Variants in EIF3H observed in about 807,000 individuals in gnomAD.
The protein encoded by EIF3H is eIF-3-gamma.
EIF3H carries 26 observed loss-of-function variants against 44.2 expected under a neutral mutation model. The observed-to-expected ratio is 0.59, with a 90% CI of 0.43 to 0.82. The LOEUF (loss-of-function observed/expected upper bound fraction) is 0.82, where lower values mean the gene tolerates loss of function less well. Ranked by LOEUF, EIF3H falls within the 40% of genes least tolerant of loss-of-function variation. EIF3H has a pLI of 0.00. For missense variants in EIF3H, 359 were observed against 432.8 expected (o/e 0.83, Z 1.51); for synonymous variants, 166 against 151.9 (o/e 1.09, Z -0.68).
intron 2 of EIF3H, among the ~76,000 whole-genome samples, chr8:116,706,628 G>A (rs555515354): frequency 1.6e-4 from 24 of 152,238 alleles, no homozygotes; most frequent in African/African-American, 5.3e-4. Context: ...TCCATTTCCC[G>A]GTTTCAAGAG....
chr8:116,753,467 G>A (rs1050885756), intron 1 of EIF3H, among the ~76,000 whole-genome samples: 2 of 152,080 alleles, frequency 1.3e-5, no homozygotes, highest in Admixed American at 6.6e-5. Flanking sequence ...AGATATGAGC[G>A]TTTTCACCAC....
Position 116,673,668 on chromosome 8 carries a change from G to A in EIF3H, c.290-14688C>T, listed in dbSNP as rs148711167. ...AAATAAGGGGTAAAAATGTAATCTC[G>A]TCTCTAACTTCGAAGATTCATGCAA... On this transcript the variant is annotated intron_variant, in intron 2 of 7. Coordinates refer to ENST00000521861, the MANE Select transcript of EIF3H (RefSeq NM_003756.3). 2.1e-3 allele frequency among the ~76,000 whole-genome samples: 323 copies of A among 152,196 alleles called. 1 individual carries two copies. Among genetic ancestry groups the A allele is most frequent in the African/African-American group, 6.6e-3 (275 of 41,522 alleles).
Position 116,692,412 on chromosome 8 carries a change from T to TA in EIF3H, c.290-33433dup, listed in dbSNP as rs539430410. Among the ~76,000 whole-genome samples, 117 of 151,986 alleles carry TA rather than the reference T, an allele frequency of 7.7e-4. No individual in the cohort carries two copies. The Middle Eastern group carries it at 0.01, about 13-fold the overall frequency. ...TATTTTTCTAGGGCCTTGATTATAT[T>TA]AAAAAAAAGCATCAATATGATAAAG... On this transcript the variant is annotated intron_variant, in intron 2 of 7. Coordinates refer to ENST00000521861, the MANE Select transcript of EIF3H (RefSeq NM_003756.3).
intron 1 of EIF3H, among the ~76,000 whole-genome samples, chr8:116,747,641 G>A (rs755030472): frequency 2.8e-4 from 43 of 152,052 alleles, no homozygotes; most frequent in Non-Finnish European, 2.4e-4. Flanking sequence ...AACATTAAAA[G>A]GCCAAACTGT....
At chr8:116,752,871 G>T (rs1815383158) in intron 1 of EIF3H, among the ~76,000 whole-genome samples, 1 of 151,342 alleles carries the variant, frequency 6.6e-6, no homozygotes, top group South Asian at 2.1e-4. Context: ...AGAGAGAAGA[G>T]AAGAGTTTAA....
chr8:116,661,958 G>A (rs1267660045), intron 2 of EIF3H, among the ~76,000 whole-genome samples: 18 of 152,158 alleles, frequency 1.2e-4, no homozygotes, highest in Admixed American at 1.2e-3. Context: ...AGAGAGATCA[G>A]CTTCTTTATT....
At chr8:116,745,548 G>A (rs1194506159) in intron 1 of EIF3H, among the ~76,000 whole-genome samples, 1 of 152,194 alleles carries the variant, frequency 6.6e-6, no homozygotes, top group East Asian at 1.9e-4. Flanking sequence ...AAATGGCAAT[G>A]AATTTCAATA....
At chr8:116,726,231 A>G (rs1004439594) in intron 1 of EIF3H, 59 bp from the exon 2 acceptor site, 12 of 1,512,902 alleles carry the variant, frequency 7.9e-6, no homozygotes, top group African/African-American at 1.4e-5. Context: ...TATTTCCTTT[A>G]TTTCTAAGAA....
intron 1 of EIF3H, 24 bp from the exon 2 acceptor site, chr8:116,726,196 G>T: frequency 6.3e-7 from 1 of 1,588,922 alleles, no homozygotes; most frequent in Non-Finnish European, 8.6e-7. Context: ...ACACAGAAGG[G>T]AGCTTAACAA....
intron 1 of EIF3H, among the ~76,000 whole-genome samples, chr8:116,746,835 G>A (rs776827739): frequency 1.3e-5 from 2 of 152,064 alleles, no homozygotes; most frequent in Non-Finnish European, 2.9e-5. Context: ...TCAGGTTAGA[G>A]ATAATCCTGC....
chr8:116,681,683 A>AAAAT (rs1768486047), intron 2 of EIF3H, among the ~76,000 whole-genome samples: 1 of 152,040 alleles, frequency 6.6e-6, no homozygotes, highest in South Asian at 2.1e-4. Flanking sequence ...AAAAAAAAAA[A>AAAAT]AATCTAAAAT....
chr8:116,649,003 T>C, intron 5 of EIF3H, 77 bp from the exon 6 acceptor site: 3 of 1,322,770 alleles, frequency 2.3e-6, no homozygotes, highest in South Asian at 1.7e-5. Context: ...AGTTTTAAGA[T>C]ATGAACTTGA....
At chr8:116,651,685 TTTC>T (rs772472780) in intron 5 of EIF3H, among the ~76,000 whole-genome samples, 17 of 152,344 alleles carry the variant, frequency 1.1e-4, no homozygotes, top group Non-Finnish European at 1.8e-4. Flanking sequence ...CTTCAAAACA[TTTC>T]TTCTTCTCTG....
intron 1 of EIF3H, among the ~76,000 whole-genome samples, chr8:116,735,822 C>T (rs1383425271): frequency 6.6e-6 from 1 of 151,216 alleles, no homozygotes. Context: ...AAACGTAACA[C>T]AGCTAAAGGA....
intron 2 of EIF3H, among the ~76,000 whole-genome samples, chr8:116,719,255 T>C (rs1814705827): frequency 6.6e-6 from 1 of 152,156 alleles, no homozygotes; most frequent in South Asian, 2.1e-4. Flanking sequence ...TAATTCTGAA[T>C]AAAAGACAGT....
At chr8:116,745,174 T>C (rs1166270628) in intron 1 of EIF3H, among the ~76,000 whole-genome samples, 2 of 152,244 alleles carry the variant, frequency 1.3e-5, no homozygotes, top group Non-Finnish European at 2.9e-5. Flanking sequence ...CCAGGCCAGA[T>C]TTGCTGTAAC....
intron 2 of EIF3H, among the ~76,000 whole-genome samples, chr8:116,697,597 T>A (rs1814290552): frequency 6.6e-6 from 1 of 152,254 alleles, no homozygotes. Flanking sequence ...TGCATTATGT[T>A]ACAAATTTAT....
At chr8:116,718,180 C>T (rs1294575891) in intron 2 of EIF3H, among the ~76,000 whole-genome samples, 1 of 151,874 alleles carries the variant, frequency 6.6e-6, no homozygotes, top group African/African-American at 2.4e-5. Context: ...TGCAATACCA[C>T]CTTACTCCTA....
chr8:116,735,282 A>G (rs570572651), intron 1 of EIF3H, among the ~76,000 whole-genome samples: 1 of 152,356 alleles, frequency 6.6e-6, no homozygotes, highest in South Asian at 2.1e-4. Flanking sequence ...CTGAGCCACG[A>G]AAGTAGAAAC....
Sources: gnomAD v4.1 joint callset for allele counts (sites outside exome capture counted in the v4.1 genomes callset) on GRCh38, gnomAD v4.1.1 for gene constraint, MANE v1.5 for transcripts, NCBI Gene and HGNC (gene_info 2026-07-23, HGNC 2026-07-21) for gene names.